SLC12A2: variants seen among roughly 807,000 people sequenced by gnomAD.
SLC12A2 encodes the protein solute carrier family 12 member 2.
In SLC12A2, 67 loss-of-function variants were observed where a neutral mutation model predicts 136.3. The observed-to-expected ratio is 0.49, with a 90% CI of 0.40 to 0.60. SLC12A2 has a LOEUF of 0.60. SLC12A2 is among the 20% of genes least tolerant of loss of function. SLC12A2 has a pLI of 0.00. For missense variants in SLC12A2, 1,322 were observed against 1,534.7 expected (o/e 0.86, Z 2.32); for synonymous variants, 619 against 562.9 (o/e 1.10, Z -1.41).
intron 1 of SLC12A2, among the ~76,000 whole-genome samples, chr5:128,089,080 A>G (rs1760208748): frequency 6.6e-6 from 1 of 151,760 alleles, no homozygotes; most frequent in Admixed American, 6.6e-5. Context: ...AGGCAGGAGA[A>G]TTGCTTGAAC....
rs1054345420 is a variant in SLC12A2 at position 128,189,550 on chromosome 5, G to C, written c.*2919G>C. 2.0e-5 allele frequency: 3 copies of C among 152,574 alleles called. No homozygotes were observed. The highest frequency in any genetic ancestry group is 4.4e-5 in the Non-Finnish European group (3 of 68,006). 9.5% of individuals were successfully genotyped at this position (152,574 alleles called of 1,614,324 possible). ...TTATCTGCTAAGTAAGTCTGAAAAT[G>C]TAATATTTTGATAATACTGTAATAT... On this transcript the variant is annotated 3_prime_UTR_variant, in exon 27 of 27. Transcript: ENST00000262461.
At chr5:128,116,453 G>A (rs888183248) in intron 4 of SLC12A2, among the ~76,000 whole-genome samples, 1 of 150,826 alleles carries the variant, frequency 6.6e-6, no homozygotes, top group African/African-American at 2.4e-5. Context: ...TAGACTTTGT[G>A]TGCAGTCTTC....
At chr5:128,111,000 T>C in intron 1 of SLC12A2, 3 of 747,600 alleles carry the variant, frequency 4.0e-6, no homozygotes, top group East Asian at 5.0e-5. Context: ...AACTCTGATA[T>C]GCAAAATAAC....
rs753836840 is a variant in SLC12A2, at chr5:128,135,685, T to C, written c.1300-15T>C. ...CAAGATACTTGATTTTAATTTTTAA[T>C]GTTTAAAATTGCAGGCTCAGATTGT... On this transcript the variant is annotated splice_polypyrimidine_tract_variant and intron_variant, in intron 6 of 26. Transcript: ENST00000262461. 2.1e-6 allele frequency: 3 copies of C among 1,453,740 alleles called. No homozygotes were observed. Among genetic ancestry groups the C allele is most frequent in the Middle Eastern group, 1.7e-4 (1 of 5,732 alleles). 90.1% of individuals were successfully genotyped at this position (1,453,740 alleles called of 1,614,324 possible). A position where few individuals can be genotyped will look rare whatever the true frequency, so the allele number is the denominator to read the frequency against.
intron 4 of SLC12A2, among the ~76,000 whole-genome samples, chr5:128,129,042 T>G (rs546768220): frequency 1.5e-4 from 23 of 152,202 alleles, no homozygotes; most frequent in African/African-American, 5.5e-4. Flanking sequence ...TTTTATAAAA[T>G]CAAAACTTTA....
intron 1 of SLC12A2, among the ~76,000 whole-genome samples, chr5:128,101,459 A>G (rs1760738264): frequency 6.6e-6 from 1 of 152,174 alleles, no homozygotes; most frequent in Admixed American, 6.5e-5. Context: ...AGAAGTTTGT[A>G]GGGTGTAAAT....
chr5:128,148,918 C>T (rs771216688), intron 12 of SLC12A2, 41 bp downstream of exon 12: 1 of 1,483,172 alleles, frequency 6.7e-7, no homozygotes, highest in Non-Finnish European at 9.1e-7. Context: ...ATTTTTGGTG[C>T]ATATTAGTTC....
chr5:128,151,354 A>G lies in SLC12A2; in HGVS notation c.2221A>G (p.Ile741Val). 1.2e-6 allele frequency: 2 copies of G among 1,612,348 alleles called. No individual in the cohort carries two copies. Among genetic ancestry groups the G allele is most frequent in the South Asian group, 1.1e-5 (1 of 90,832 alleles). Residue 741 changes from isoleucine to valine, a missense_variant, in exon 14 of 27, where the codon ATA (isoleucine) becomes GTA (valine). Ile to Val is a conservative substitution (Grantham distance 29). Coordinates refer to ENST00000262461, the MANE Select transcript of SLC12A2 (RefSeq NM_001046.3). Reference sequence around the variant, plus strand: ...GTGGGCTGCATTGCTAACATATGTGATAGTCCTTGGGCTGTATATTTATGT... The same window carrying G: ...GTGGGCTGCATTGCTAACATATGTGGTAGTCCTTGGGCTGTATATTTATGT... ...NWWAALLTYV[I>V]VLGLYIYVTY...
intron 1 of SLC12A2, among the ~76,000 whole-genome samples, chr5:128,096,064 G>A (rs1455121879): frequency 6.6e-6 from 1 of 152,104 alleles, no homozygotes; most frequent in African/African-American, 2.4e-5. Flanking sequence ...GTAGTTTTCT[G>A]TAGCCTGGGC....
intron 10 of SLC12A2, among the ~76,000 whole-genome samples, chr5:128,144,126 T>C (rs1355045556): frequency 6.6e-6 from 1 of 152,108 alleles, no homozygotes; most frequent in Non-Finnish European, 1.5e-5. Flanking sequence ...GGCACAAACA[T>C]TGGTCTTTGC....
intron 1 of SLC12A2, chr5:128,110,464 C>T (rs749067648): frequency 6.8e-5 from 89 of 1,301,296 alleles, no homozygotes; most frequent in Non-Finnish European, 9.9e-5. Flanking sequence ...GTAGAAACAC[C>T]CTGAACTCAT....
chr5:128,156,351 G>T (rs1421713673), intron 15 of SLC12A2, among the ~76,000 whole-genome samples: 2 of 151,786 alleles, frequency 1.3e-5, no homozygotes, highest in Non-Finnish European at 2.9e-5. Context: ...TATTTTTGTG[G>T]TTTGTGCCTT....
chr5:128,102,809 T>C (rs1760794666), intron 1 of SLC12A2, among the ~76,000 whole-genome samples: 1 of 151,234 alleles, frequency 6.6e-6, no homozygotes, highest in Admixed American at 6.6e-5. Flanking sequence ...TTTATTGAAA[T>C]GGAGTTTCAC....
In SLC12A2 at chr5:128,126,160, T is replaced by C. The variant is rs552101384; in HGVS notation, c.1049-4907T>C. 7.9e-5 allele frequency among the ~76,000 whole-genome samples: 12 copies of C among 152,350 alleles called. No individual in the cohort carries two copies. In the South Asian group the frequency reaches 2.3e-3, roughly 29 times the overall value. On this transcript the variant is annotated intron_variant, in intron 4 of 26. Coordinates refer to ENST00000262461, the MANE Select transcript of SLC12A2 (RefSeq NM_001046.3). ...TTCATATAAATTTTTGACTTAGATA[T>C]GCCAATTTCTGCCCAAAAAATTGGA...
chr5:128,093,161 C>G (rs1760402065), intron 1 of SLC12A2, among the ~76,000 whole-genome samples: 1 of 152,024 alleles, frequency 6.6e-6, no homozygotes, highest in African/African-American at 2.4e-5. Flanking sequence ...TTGTTTTGAG[C>G]AGTGTTCAGC....
chr5:128,159,367 C>G (rs1338664700), intron 16 of SLC12A2, among the ~76,000 whole-genome samples: 2 of 152,098 alleles, frequency 1.3e-5, no homozygotes, highest in Non-Finnish European at 2.9e-5. Context: ...GACTAAAACA[C>G]CAAAAGCAAT....
chr5:128,116,421 C>T (rs1049474478), intron 4 of SLC12A2, among the ~76,000 whole-genome samples: 2 of 147,056 alleles, frequency 1.4e-5, no homozygotes, highest in South Asian at 4.3e-4. Flanking sequence ...ATATATATCT[C>T]TTTACAAATA....
intron 1 of SLC12A2, among the ~76,000 whole-genome samples, chr5:128,107,304 G>A (rs1412322975): frequency 3.3e-5 from 5 of 151,782 alleles, no homozygotes; most frequent in South Asian, 2.1e-4. Flanking sequence ...TCTTATTTTT[G>A]AATTATACTT....
At chr5:128,089,468 A>G (rs982534497) in intron 1 of SLC12A2, among the ~76,000 whole-genome samples, 1 of 152,202 alleles carries the variant, frequency 6.6e-6, no homozygotes, top group Non-Finnish European at 1.5e-5. Flanking sequence ...GCTAGGACAT[A>G]GTAGCAGCAG....
Sources: gnomAD v4.1 joint callset for allele counts (sites outside exome capture counted in the v4.1 genomes callset) on GRCh38, gnomAD v4.1.1 for gene constraint, MANE v1.5 for transcripts, NCBI Gene and HGNC (gene_info 2026-07-23, HGNC 2026-07-21) for gene names.